The following KCNH1 variants were observed in gnomAD, a reference collection of about 807,000 sequenced individuals.
KCNH1 encodes the protein voltage-gated delayed rectifier potassium channel KCNH1.
Under a neutral mutation model 69.2 loss-of-function variants are expected in KCNH1, and 27 were observed. That is an observed-to-expected ratio of 0.39 (90% CI 0.29 to 0.54). The LOEUF (loss-of-function observed/expected upper bound fraction) is 0.54, where lower values mean the gene tolerates loss of function less well. Among genes scored for constraint, KCNH1 ranks in the 20% least tolerant of loss-of-function variants. KCNH1 has a pLI of 0.68. For missense variants in KCNH1, 798 were observed against 1,261.6 expected, an observed-to-expected ratio of 0.63 and a Z score of 5.57; for synonymous variants, 456 against 487.7, an observed-to-expected ratio of 0.93 and a Z score of 0.86.
chr1:210,689,785 C>T (rs1681489719), intron 10 of KCNH1, among the ~76,000 whole-genome samples: 2 of 152,326 alleles, frequency 1.3e-5, no homozygotes, highest in Admixed American at 1.3e-4. Context: ...AATCTGGCTA[C>T]ACGTCAGAAC....
chr1:210,820,925 A>C (rs1684915864), intron 7 of KCNH1, among the ~76,000 whole-genome samples: 2 of 152,136 alleles, frequency 1.3e-5, no homozygotes, highest in Admixed American at 1.3e-4. Context: ...CCCTGCTGAC[A>C]CTTTGATTTT....
At chr1:210,783,318 T>C (rs761780417) in intron 9 of KCNH1, among the ~76,000 whole-genome samples, 2 of 152,214 alleles carry the variant, frequency 1.3e-5, no homozygotes, top group East Asian at 3.9e-4. Context: ...TGGGTGGGCA[T>C]AATGCTAGGT....
chr1:210,934,347 A>G (rs1687735018), intron 6 of KCNH1, among the ~76,000 whole-genome samples: 1 of 152,226 alleles, frequency 6.6e-6, no homozygotes, highest in African/African-American at 2.4e-5. Context: ...AACATTTAAA[A>G]TAATCTGATT....
chr1:210,687,496 C>G (rs1681432185), intron 10 of KCNH1, among the ~76,000 whole-genome samples: 1 of 152,208 alleles, frequency 6.6e-6, no homozygotes, highest in African/African-American at 2.4e-5. Context: ...GCCCCCTGAA[C>G]ATCACTGTCT....
At chr1:210,863,895 A>G (rs147454246) in intron 7 of KCNH1, among the ~76,000 whole-genome samples, 1 of 152,296 alleles carries the variant, frequency 6.6e-6, no homozygotes, top group East Asian at 1.9e-4. Context: ...TGTCATGTAG[A>G]AAGGCCTCAA....
intron 7 of KCNH1, among the ~76,000 whole-genome samples, chr1:210,862,888 C>T (rs1182932034): frequency 6.6e-6 from 1 of 152,082 alleles, no homozygotes; most frequent in Non-Finnish European, 1.5e-5. Flanking sequence ...ATGTACAAAC[C>T]AATAGGAGTG....
chr1:211,080,877 T>C (rs889199431), intron 5 of KCNH1, among the ~76,000 whole-genome samples: 26 of 152,150 alleles, frequency 1.7e-4, no homozygotes, highest in South Asian at 1.2e-3. Context: ...GAAGAAAACC[T>C]AGGCAATACC....
chr1:211,044,636 A>G (rs971642912), intron 5 of KCNH1, among the ~76,000 whole-genome samples: 6 of 152,186 alleles, frequency 3.9e-5, no homozygotes, highest in Non-Finnish European at 7.4e-5. Context: ...AGATATTCAA[A>G]TGGCCAACAA....
At chr1:211,084,110 A>C (rs529279805) in intron 4 of KCNH1, among the ~76,000 whole-genome samples, 1 of 152,310 alleles carries the variant, frequency 6.6e-6, no homozygotes, top group South Asian at 2.1e-4. Flanking sequence ...AAAGATACAC[A>C]TAGTGGTTTC....
At chr1:210,711,607 C>A (rs1215858122) in intron 10 of KCNH1, among the ~76,000 whole-genome samples, 1 of 152,214 alleles carries the variant, frequency 6.6e-6, no homozygotes, top group Non-Finnish European at 1.5e-5. Context: ...CAAATGTCAC[C>A]TCTCTGGGAC....
chr1:210,966,023 T>A (rs1303704384), intron 6 of KCNH1, among the ~76,000 whole-genome samples: 8 of 152,168 alleles, frequency 5.3e-5, no homozygotes, highest in African/African-American at 1.4e-4. Context: ...ATGGTACTGG[T>A]ACCAAAACAG....
intron 7 of KCNH1, among the ~76,000 whole-genome samples, chr1:210,831,879 A>T (rs1574283070): frequency 6.6e-6 from 1 of 152,200 alleles, no homozygotes; most frequent in East Asian, 1.9e-4. Flanking sequence ...ATTGAGATGT[A>T]CTGTATCTAT....
At chr1:210,921,918 C>T (rs1225689479) in intron 6 of KCNH1, among the ~76,000 whole-genome samples, 2 of 152,304 alleles carry the variant, frequency 1.3e-5, no homozygotes, top group East Asian at 1.9e-4. Flanking sequence ...ACATTTGTTA[C>T]AGTAGCTAGT....
chr1:210,810,744 T>C (rs1684686235), intron 7 of KCNH1, among the ~76,000 whole-genome samples: 1 of 152,218 alleles, frequency 6.6e-6, no homozygotes, highest in Non-Finnish European at 1.5e-5. Flanking sequence ...ATATCAATGA[T>C]AAGCCTATTT....
chr1:211,002,353 T>TACAC (rs545388862), intron 6 of KCNH1, among the ~76,000 whole-genome samples: 4 of 145,066 alleles, frequency 2.8e-5, no homozygotes, highest in African/African-American at 1.0e-4. Context: ...TATATATATA[T>TACAC]ACACACACAC....
intron 7 of KCNH1, among the ~76,000 whole-genome samples, chr1:210,900,100 A>G (rs1403534446): frequency 6.6e-6 from 1 of 152,256 alleles, no homozygotes; most frequent in Non-Finnish European, 1.5e-5. Flanking sequence ...TAAACAAGGT[A>G]AACTCAATTC....
At chr1:210,805,023 G>C (rs1684505993) in intron 7 of KCNH1, among the ~76,000 whole-genome samples, 2 of 152,150 alleles carry the variant, frequency 1.3e-5, no homozygotes. Context: ...CTGAGCTCAA[G>C]AGCCACTGCT....
intron 1 of KCNH1, among the ~76,000 whole-genome samples, chr1:211,113,145 G>C (rs1691504495): frequency 6.6e-6 from 1 of 152,100 alleles, no homozygotes; most frequent in South Asian, 2.1e-4. Context: ...ACTGAAGGAA[G>C]TCTCAGGGAT....
At chr1:210,915,893 C>G (rs1410293527) in intron 7 of KCNH1, among the ~76,000 whole-genome samples, 1 of 152,138 alleles carries the variant, frequency 6.6e-6, no homozygotes, top group Non-Finnish European at 1.5e-5. Flanking sequence ...CCAAGAAACA[C>G]TATTACTAAG....
Sources: gnomAD v4.1 joint callset for allele counts (sites outside exome capture counted in the v4.1 genomes callset) on GRCh38, gnomAD v4.1.1 for gene constraint, MANE v1.5 for transcripts, NCBI Gene and HGNC (gene_info 2026-07-23, HGNC 2026-07-21) for gene names.